BRINP3: variants seen among roughly 807,000 people sequenced by gnomAD.
BRINP3 encodes BMP/retinoic acid inducible neural specific 3.
BRINP3 carries 19 observed loss-of-function variants against 71.0 expected under a neutral mutation model. The ratio of observed to expected loss-of-function variants is 0.27; its 90% CI spans 0.19 to 0.39. The LOEUF (loss-of-function observed/expected upper bound fraction) is 0.39, where lower values mean the gene tolerates loss of function less well. Among genes scored for constraint, BRINP3 ranks in the 10% least tolerant of loss-of-function variants. BRINP3 has a pLI of 1.00. For synonymous variants in BRINP3, 380 were observed against 337.7 expected (o/e 1.13, Z -1.37); for missense variants, 959 against 940.8 (o/e 1.02, Z -0.25).
chr1:190,378,069 C>G (rs1287090882), intron 2 of BRINP3, among the ~76,000 whole-genome samples: 1 of 152,054 alleles, frequency 6.6e-6, no homozygotes, highest in Non-Finnish European at 1.5e-5. Context: ...CTGAAGCAAT[C>G]TTAAAAGAAG....
chr1:190,099,163 A>T, intron 7 of BRINP3, 29 bp from the exon 8 acceptor site: 1 of 1,595,282 alleles, frequency 6.3e-7, no homozygotes, highest in East Asian at 2.2e-5. Context: ...ACGAATCTAC[A>T]TAAATACAAA....
intron 4 of BRINP3, among the ~76,000 whole-genome samples, chr1:190,263,501 A>G (rs759959361): frequency 1.3e-5 from 2 of 152,012 alleles, no homozygotes; most frequent in Non-Finnish European, 2.9e-5. Flanking sequence ...TTTCTCCAGT[A>G]CATCCCGAAC....
At chr1:190,420,941 G>T (rs1381999884) in intron 2 of BRINP3, among the ~76,000 whole-genome samples, 1 of 151,800 alleles carries the variant, frequency 6.6e-6, no homozygotes, top group Admixed American at 6.6e-5. Flanking sequence ...AGCTTGTTGG[G>T]TGAAAACTCT....
At chr1:190,108,064 T>C (rs757011046) in intron 7 of BRINP3, among the ~76,000 whole-genome samples, 10 of 151,660 alleles carry the variant, frequency 6.6e-5, no homozygotes, top group Non-Finnish European at 1.3e-4. Flanking sequence ...AGCTGAATAG[T>C]TGTCAGAAAC....
intron 2 of BRINP3, among the ~76,000 whole-genome samples, chr1:190,399,594 AC>A (rs1671797871): frequency 6.6e-6 from 1 of 152,024 alleles, no homozygotes; most frequent in Non-Finnish European, 1.5e-5. Flanking sequence ...AAATGCAGAT[AC>A]AAGTGAAGCT....
At chr1:190,384,503 A>G (rs1476760236) in intron 2 of BRINP3, among the ~76,000 whole-genome samples, 2 of 151,876 alleles carry the variant, frequency 1.3e-5, no homozygotes, top group African/African-American at 4.8e-5. Context: ...GAAAACTATA[A>G]ATATTAATAA....
intron 2 of BRINP3, among the ~76,000 whole-genome samples, chr1:190,386,947 G>T (rs1670949938): frequency 6.6e-6 from 1 of 151,708 alleles, no homozygotes; most frequent in African/African-American, 2.4e-5. Flanking sequence ...TTATCTTTTT[G>T]ATTTTTAAAA....
At chr1:190,238,058 C>CTG in intron 4 of BRINP3, among the ~76,000 whole-genome samples, 1 of 152,122 alleles carries the variant, frequency 6.6e-6, no homozygotes, top group South Asian at 2.1e-4. Flanking sequence ...CTGATACCTG[C>CTG]ATCTTGACAA....
At chr1:190,264,507 T>C (rs990572222) in intron 4 of BRINP3, among the ~76,000 whole-genome samples, 1 of 152,130 alleles carries the variant, frequency 6.6e-6, no homozygotes. Flanking sequence ...TATTTTTAAG[T>C]GGGTAAAATA....
Position 190,098,440 on chromosome 1 carries a change from T to C in BRINP3, c.1879A>G (p.Ile627Val), listed in dbSNP as rs902234052. 1.2e-6 allele frequency: 2 copies of C among 1,614,170 alleles called. No individual in the cohort carries two copies. Among genetic ancestry groups the C allele is most frequent in the South Asian group, 1.1e-5 (1 of 91,084 alleles). Residue 627 changes from isoleucine to valine, a missense_variant, in exon 8 of 8, where the codon ATC (isoleucine) becomes GTC (valine). By Grantham distance (29) the Ile-to-Val change is conservative. Coordinates refer to ENST00000367462, the MANE Select transcript of BRINP3 (RefSeq NM_199051.3). ...GACTTGATGCGACTTCTCAGGTAGA[T>C]GTGTACTGTCTCAAAAAATGTCTTC... is the stretch of plus-strand genomic sequence containing the variant. ...KWKTFFETVH[I>V]YLRSRIKSNG...
In BRINP3 at chr1:190,405,464, AAAAAAAAAAAAAAAAAAAAAAAAAAAAAC is replaced by A. The variant is rs1252588545; in HGVS notation, c.236+49162_236+49190del. On this transcript the variant is annotated intron_variant, in intron 2 of 7. Coordinates refer to ENST00000367462, the MANE Select transcript of BRINP3 (RefSeq NM_199051.3). ...AGACTCCGTCTCAAAAAAAAAAAAA[AAAAAAAAAAAAAAAAAAAAAAAAAAAAAC>A]CAGAATCAGAAGCGTGACATATCAT... is the stretch of plus-strand genomic sequence containing the variant. Among the ~76,000 whole-genome samples the A allele has an allele frequency of 1.5e-4, 15 of 97,184 alleles. No individual in the cohort carries two copies. In the East Asian group the frequency reaches 1.8e-3, roughly 12 times the overall value. The allele number at this position is 97,184 out of a possible 152,430, so 63.8% of individuals were successfully genotyped here.
In BRINP3 at chr1:190,190,708, T is replaced by G. The variant is rs896059009; in HGVS notation, c.962-29818A>C. 2.8e-5 allele frequency among the ~76,000 whole-genome samples: 4 copies of G among 142,788 alleles called. No individual in the cohort carries two copies. The Middle Eastern group carries it at 0.011, about 409-fold the overall frequency. The allele number at this position is 142,788 out of a possible 152,430, so 93.7% of individuals were successfully genotyped here. ...ATAAGACATAGGGAAAATCAAAGTG[T>G]TTTTTTTTGAAATAAAATACTTACT... On this transcript the variant is annotated intron_variant, in intron 6 of 7. Coordinates refer to ENST00000367462, the MANE Select transcript of BRINP3 (RefSeq NM_199051.3).
At chr1:190,392,548 T>A (rs576181480) in intron 2 of BRINP3, among the ~76,000 whole-genome samples, 1 of 151,800 alleles carries the variant, frequency 6.6e-6, no homozygotes, top group East Asian at 1.9e-4. Context: ...GGGTGGAACA[T>A]GTTTAAAGGG....
intron 3 of BRINP3, 113 bp from the exon 4 acceptor site, chr1:190,265,168 T>C (rs990066785): frequency 1.5e-5 from 14 of 949,462 alleles, no homozygotes; most frequent in Non-Finnish European, 2.0e-5. Context: ...AGGAGTGATA[T>C]ATGCCAAAAG....
intron 7 of BRINP3, chr1:190,154,163 A>G: frequency 4.6e-6 from 3 of 647,248 alleles, no homozygotes; most frequent in Non-Finnish European, 5.8e-6. Flanking sequence ...TTAAGAACCA[A>G]TTTAGGAGTT....
At chr1:190,256,892 C>T (rs759599180) in intron 4 of BRINP3, among the ~76,000 whole-genome samples, 7 of 152,068 alleles carry the variant, frequency 4.6e-5, no homozygotes, top group Non-Finnish European at 5.9e-5. Flanking sequence ...GTGGGTAACC[C>T]GACCTTTCTC....
At chr1:190,198,574 A>T (rs1654706517) in intron 6 of BRINP3, among the ~76,000 whole-genome samples, 1 of 152,154 alleles carries the variant, frequency 6.6e-6, no homozygotes, top group Non-Finnish European at 1.5e-5. Flanking sequence ...CTTGCACCAG[A>T]TGCCCTAAAT....
intron 6 of BRINP3, among the ~76,000 whole-genome samples, chr1:190,186,141 C>T (rs1049866021): frequency 1.3e-5 from 2 of 151,694 alleles, no homozygotes; most frequent in Non-Finnish European, 1.5e-5. Flanking sequence ...TTTTGGAGGC[C>T]GAGACGGGTG....
intron 3 of BRINP3, among the ~76,000 whole-genome samples, chr1:190,275,425 A>G (rs1662473873): frequency 6.6e-6 from 1 of 151,622 alleles, no homozygotes; most frequent in Admixed American, 6.6e-5. Context: ...ATTCTGATTC[A>G]TTAATCTGTG....
Sources: gnomAD v4.1 joint callset for allele counts (sites outside exome capture counted in the v4.1 genomes callset) on GRCh38, gnomAD v4.1.1 for gene constraint, MANE v1.5 for transcripts, NCBI Gene and HGNC (gene_info 2026-07-23, HGNC 2026-07-21) for gene names.